Variants in CHN2 observed in about 807,000 individuals in gnomAD.
CHN2 encodes chimerin 2, also known as beta-chimaerin.
Under a neutral mutation model 56.3 loss-of-function variants are expected in CHN2, and 35 were observed. That is an observed-to-expected ratio of 0.62 (90% CI 0.47 to 0.82). The LOEUF is 0.82. CHN2 is among the 40% of genes least tolerant of loss of function. CHN2 has a pLI of 0.00. For synonymous variants in CHN2, 210 were observed against 212.8 expected (o/e 0.99, Z 0.12); for missense variants, 491 against 580.5 (o/e 0.85, Z 1.58).
chr7:29,186,084 G>A (rs929380853), intron 2 of CHN2, among the ~76,000 whole-genome samples: 11 of 152,154 alleles, frequency 7.2e-5, no homozygotes, highest in African/African-American at 2.7e-4. Context: ...TGAACAGGAT[G>A]GAGTTTTTGA....
chr7:29,419,187 A>G (rs1405088259), intron 6 of CHN2, among the ~76,000 whole-genome samples: 1 of 152,208 alleles, frequency 6.6e-6, no homozygotes, highest in African/African-American at 2.4e-5. Context: ...TTAGATAGTT[A>G]GAAATAATCA....
rs532713306 is a variant in CHN2 at position 29,256,568 on chromosome 7, G to A, written c.49+61578G>A. ...TCTGACCTCATTACAAAGAAGTGGT[G>A]GAAGCTGGGTGGATCTTTTCATTCC... On this transcript the variant is annotated intron_variant, in intron 1 of 12. Coordinates refer to ENST00000222792, the MANE Select transcript of CHN2 (RefSeq NM_004067.4). Among the ~76,000 whole-genome samples the A allele has an allele frequency of 2.0e-5, 3 of 152,304 alleles. No individual in the cohort carries two copies. The East Asian group carries it at 5.8e-4, about 29-fold the overall frequency.
intron 2 of CHN2, among the ~76,000 whole-genome samples, chr7:29,154,103 G>T (rs1370723340): frequency 2.6e-5 from 4 of 152,152 alleles, no homozygotes; most frequent in Admixed American, 1.3e-4. Flanking sequence ...AGAGTCAACT[G>T]AACTAATATC....
intron 2 of CHN2, among the ~76,000 whole-genome samples, chr7:29,363,660 TTAA>T (rs1223658376): frequency 7.2e-5 from 11 of 152,266 alleles, no homozygotes; most frequent in Non-Finnish European, 1.2e-4. Context: ...ATTAATTGTG[TTAA>T]TGATGATGAG....
At chr7:29,455,536 C>T (rs961548959) in intron 6 of CHN2, among the ~76,000 whole-genome samples, 12 of 152,156 alleles carry the variant, frequency 7.9e-5, no homozygotes, top group African/African-American at 2.9e-4. Context: ...CTTTCCCCAC[C>T]ACTGCAGGAA....
At chr7:29,280,404 A>ATAAC (rs1791607906) in intron 1 of CHN2, among the ~76,000 whole-genome samples, 1 of 151,960 alleles carries the variant, frequency 6.6e-6, no homozygotes, top group Non-Finnish European at 1.5e-5. Flanking sequence ...AAATAAATAA[A>ATAAC]TAAATAAATA....
At chr7:29,156,170 A>G (rs1794340112) in intron 2 of CHN2, among the ~76,000 whole-genome samples, 1 of 152,188 alleles carries the variant, frequency 6.6e-6, no homozygotes, top group Non-Finnish European at 1.5e-5. Context: ...ATTCAGGTCT[A>G]TCTTCCATTC....
intron 2 of CHN2, among the ~76,000 whole-genome samples, chr7:29,355,411 G>A (rs1193034873): frequency 6.6e-6 from 1 of 152,158 alleles, no homozygotes; most frequent in East Asian, 1.9e-4. Flanking sequence ...CGAAGAACCT[G>A]TTTGGTCACC....
At chr7:29,405,960 C>T (rs1183356397) in intron 6 of CHN2, among the ~76,000 whole-genome samples, 2 of 152,150 alleles carry the variant, frequency 1.3e-5, no homozygotes, top group Non-Finnish European at 2.9e-5. Context: ...GAATGTCCAG[C>T]CCTCGCTTAC....
chr7:29,165,419 T>C (rs1420419844), intron 2 of CHN2, among the ~76,000 whole-genome samples: 1 of 152,218 alleles, frequency 6.6e-6, no homozygotes, highest in East Asian at 1.9e-4. Context: ...CCAATATTTT[T>C]GTGTGTGTAG....
intron 1 of CHN2, among the ~76,000 whole-genome samples, chr7:29,346,311 A>G (rs1002737116): frequency 2.0e-5 from 3 of 152,214 alleles, no homozygotes; most frequent in Non-Finnish European, 2.9e-5. Context: ...CACAGACACA[A>G]CATCCCACTC....
intron 1 of CHN2, among the ~76,000 whole-genome samples, chr7:29,245,103 G>T (rs1428518214): frequency 6.6e-6 from 1 of 152,114 alleles, no homozygotes; most frequent in Non-Finnish European, 1.5e-5. Flanking sequence ...CCTCTTCTCT[G>T]CTTATTAAAA....
At chr7:29,266,049 A>G (rs1308281127) in intron 1 of CHN2, among the ~76,000 whole-genome samples, 1 of 152,182 alleles carries the variant, frequency 6.6e-6, no homozygotes, top group Non-Finnish European at 1.5e-5. Context: ...CAACTTAGAT[A>G]TTAGTCCTGC....
intron 1 of CHN2, among the ~76,000 whole-genome samples, chr7:29,304,764 G>C (rs1349210934): frequency 6.6e-6 from 1 of 152,286 alleles, no homozygotes; most frequent in East Asian, 1.9e-4. Context: ...GAAGATATAG[G>C]GGGAGGCCAG....
intron 1 of CHN2, among the ~76,000 whole-genome samples, chr7:29,249,452 C>T (rs111670128): frequency 3.9e-5 from 6 of 152,302 alleles, no homozygotes; most frequent in South Asian, 2.1e-4. Context: ...CATGGAGGGC[C>T]GATCATCCCC....
At chr7:29,163,275 T>G (rs1795443858) in intron 2 of CHN2, among the ~76,000 whole-genome samples, 1 of 152,148 alleles carries the variant, frequency 6.6e-6, no homozygotes, top group African/African-American at 2.4e-5. Flanking sequence ...TTTTGAAGAC[T>G]TAGTATGAAA....
chr7:29,455,838 G>T (rs986869622), intron 6 of CHN2, among the ~76,000 whole-genome samples: 1 of 152,146 alleles, frequency 6.6e-6, no homozygotes, highest in Non-Finnish European at 1.5e-5. Context: ...TCCTCTGGCC[G>T]TGTGGTGGCC....
intron 1 of CHN2, among the ~76,000 whole-genome samples, chr7:29,311,519 C>A (rs901048267): frequency 6.6e-6 from 1 of 152,212 alleles, no homozygotes; most frequent in African/African-American, 2.4e-5. Flanking sequence ...AAAACTGAGG[C>A]ACAAAGAGGC....
intron 1 of CHN2, among the ~76,000 whole-genome samples, chr7:29,247,507 G>T (rs1357626221): frequency 6.6e-6 from 1 of 152,190 alleles, no homozygotes; most frequent in Non-Finnish European, 1.5e-5. Context: ...TGCTTCCTGA[G>T]CTCAGCTTGC....
Sources: gnomAD v4.1 joint callset for allele counts (sites outside exome capture counted in the v4.1 genomes callset) on GRCh38, gnomAD v4.1.1 for gene constraint, MANE v1.5 for transcripts, NCBI Gene and HGNC (gene_info 2026-07-23, HGNC 2026-07-21) for gene names.